COL9A3: variants seen among roughly 807,000 people sequenced by gnomAD.
COL9A3 encodes collagen alpha-3(IX) chain.
Under a neutral mutation model 110.2 loss-of-function variants are expected in COL9A3, and 82 were observed. The ratio of observed to expected loss-of-function variants is 0.74; its 90% confidence interval spans 0.62 to 0.89. The LOEUF is 0.89. Among genes scored for constraint, COL9A3 ranks in the 40% least tolerant of loss-of-function variants. The pLI is 0.00. For synonymous variants in COL9A3, 494 were observed against 403.8 expected (o/e 1.22, Z -2.68); for missense variants, 1,066 against 981.3 (o/e 1.09, Z -1.15).
intron 1 of COL9A3, 156 bp downstream of exon 1, chr20:62,817,298 C>T (rs1175800505): frequency 3.8e-6 from 2 of 530,922 alleles, no homozygotes; most frequent in African/African-American, 2.0e-5. Context: ...GAGCCCCGTC[C>T]GGCCGCGTCC....
intron 22 of COL9A3, 77 bp from the exon 23 acceptor site, chr20:62,830,283 G>A: frequency 1.3e-6 from 2 of 1,505,406 alleles, no homozygotes; most frequent in South Asian, 1.2e-5. Flanking sequence ...GGGGAAGGCT[G>A]AGCCAGGCTC....
At chr20:62,826,172 C>T (rs373771634) in intron 13 of COL9A3, 32 bp from the exon 14 acceptor site, 3 of 1,549,018 alleles carry the variant, frequency 1.9e-6, no homozygotes, top group Admixed American at 1.9e-5. Flanking sequence ...AGGTGCAGCC[C>T]CAGCCTCTGC....
intron 12 of COL9A3, 97 bp from the exon 13 acceptor site, chr20:62,825,720 C>A: frequency 7.9e-7 from 1 of 1,272,612 alleles, no homozygotes; most frequent in Non-Finnish European, 1.1e-6. Flanking sequence ...GGGGCAACAC[C>A]CCCAGCTGCT....
rs568828940 is a variant in COL9A3 at position 62,825,090 on chromosome 20, G to T, written c.630+69G>T. 88 of 769,898 alleles carry T rather than the reference G, an allele frequency of 1.1e-4. 6 individuals carry two copies. In the Middle Eastern group the frequency reaches 1.9e-3, roughly 17 times the overall value. The allele number at this position is 769,898 out of a possible 1,614,324, so 47.7% of individuals were successfully genotyped here. On this transcript the variant is annotated intron_variant, in intron 12 of 31. Coordinates refer to ENST00000649368, the MANE Select transcript of COL9A3 (RefSeq NM_001853.4). ...GGCTGGGCTCCGGCGGGAGGGAGGG[G>T]CTGGGCTCCGGCGGGAGGGAGGGGC...
At chr20:62,818,377 C>CG in intron 2 of COL9A3, 141 bp from the exon 3 acceptor site, 1 of 806,484 alleles carries the variant, frequency 1.2e-6, no homozygotes, top group South Asian at 1.3e-5. Flanking sequence ...AGGTAGGGAT[C>CG]GGGGGCTCAG....
In COL9A3 at chr20:62,825,016, G is replaced by A. The variant is rs1438914631; in HGVS notation, c.625G>A (p.Glu209Lys). 1.9e-6 allele frequency: 3 copies of A among 1,608,884 alleles called. No individual in the cohort carries two copies. Among genetic ancestry groups the A allele is most frequent in the Admixed American group, 1.7e-5 (1 of 59,734 alleles). Residue 209 changes from glutamate (E) to lysine (K), a missense_variant, in exon 12 of 32, where the codon GAG (glutamate) becomes AAG (lysine). Transcript: ENST00000649368. ...GCAGGGGGAAGTCGGCAAGGACGGC[G>A]AGAAGGTGAAGCTGCCGCACAGCAG... ...GEQGEVGKDGEKGDPGPPGPA... is the reference protein window; with the variant it reads ...GEQGEVGKDGKKGDPGPPGPA...
At chr20:62,838,043 G>A (rs1443675634) in intron 30 of COL9A3, among the ~76,000 whole-genome samples, 1 of 152,346 alleles carries the variant, frequency 6.6e-6, no homozygotes, top group East Asian at 1.9e-4. Flanking sequence ...GGTGAACCAT[G>A]GGTGGAAAAT....
intron 6 of COL9A3, 28 bp downstream of exon 6, chr20:62,821,244 T>C: frequency 1.9e-6 from 3 of 1,609,496 alleles, no homozygotes; most frequent in Non-Finnish European, 2.5e-6. Flanking sequence ...TCCTCTCCTC[T>C]CCATGGGAGT....
chr20:62,836,677 G>T, intron 29 of COL9A3, 145 bp downstream of exon 29: 1 of 871,112 alleles, frequency 1.1e-6, no homozygotes. Flanking sequence ...GCCCTTGGGG[G>T]TCCACGTCCG....
chr20:62,825,590 T>C, intron 12 of COL9A3: 3 of 612,898 alleles, frequency 4.9e-6, no homozygotes, highest in Non-Finnish European at 8.9e-6. Context: ...TGAAGGGCCT[T>C]GTGGGAACAG....
intron 25 of COL9A3, chr20:62,832,724 C>T (rs1052113976): frequency 2.8e-6 from 1 of 358,102 alleles, no homozygotes. Flanking sequence ...AGGCACAAGG[C>T]CTTTCCATAC....
intron 10 of COL9A3, among the ~76,000 whole-genome samples, 160 bp from the exon 11 acceptor site, chr20:62,824,285 G>T (rs1279377375): frequency 6.7e-6 from 1 of 148,602 alleles, no homozygotes; most frequent in Non-Finnish European, 1.5e-5. Context: ...CGTCACTGAT[G>T]CGGAGTGGCC....
intron 9 of COL9A3, 71 bp downstream of exon 9, chr20:62,822,235 C>T (rs2063518547): frequency 3.5e-6 from 3 of 864,648 alleles, no homozygotes; most frequent in African/African-American, 1.6e-5. Context: ...CCTCCCCATT[C>T]CCCCTCCCCA....
intron 21 of COL9A3, 31 bp downstream of exon 21, chr20:62,829,712 C>T (rs2147215818): frequency 6.2e-7 from 1 of 1,601,136 alleles, no homozygotes; most frequent in Non-Finnish European, 8.5e-7. Context: ...AGACCCCTCC[C>T]CATCCAGCCT....
rs555983196 is a variant in COL9A3, at chr20:62,818,714, G to A, written c.183+161G>A. 8.5e-5 allele frequency among the ~76,000 whole-genome samples: 13 copies of A among 152,356 alleles called. No individual in the cohort carries two copies. The South Asian group carries it at 1.2e-3, about 15-fold the overall frequency. On this transcript the variant is annotated intron_variant, in intron 3 of 31. Coordinates refer to ENST00000649368, the MANE Select transcript of COL9A3 (RefSeq NM_001853.4). ...GGAGCAGGCCTGGAGCCAGCGGGGC[G>A]GGAGGGGAGTGTGTGGGCTCAGCCT...
At chr20:62,831,091 C>G (rs2063593883) in intron 24 of COL9A3, 1 of 152,290 alleles carries the variant, frequency 6.6e-6, no homozygotes, top group African/African-American at 2.4e-5. Flanking sequence ...CTGCTCCCGC[C>G]TAGCGGGTGT....
chr20:62,832,374 A>C (rs1196519452), intron 25 of COL9A3, among the ~76,000 whole-genome samples, 185 bp downstream of exon 25: 1 of 152,234 alleles, frequency 6.6e-6, no homozygotes, highest in African/African-American at 2.4e-5. Flanking sequence ...CAGCGAAAGC[A>C]GCTCTGGGCA....
rs191992009 is a variant in COL9A3 at position 62,821,483 on chromosome 20, C to A, written c.346-24C>A. On this transcript the variant is annotated intron_variant, in intron 6 of 31. Transcript: ENST00000649368. Reference sequence around the variant, plus strand: ...CAGCCCTTCTTGTGCCTGGCAGGCTCTGACCCCATGTTTGGCTTTGCAGGG... The same window carrying A: ...CAGCCCTTCTTGTGCCTGGCAGGCTATGACCCCATGTTTGGCTTTGCAGGG... 30 of 1,612,952 alleles carry A rather than the reference C, an allele frequency of 1.9e-5. No homozygotes were observed. In the Admixed American group the frequency reaches 5.0e-4, roughly 27 times the overall value.
chr20:62,819,921 CTCCCCAGGGTCTGACTG>C lies in COL9A3; in HGVS notation c.256-7_265del, dbSNP rs1352032313. On this transcript the variant is annotated splice_acceptor_variant and splice_polypyrimidine_tract_variant and coding_sequence_variant and intron_variant, in exon 5 of 32. Coordinates refer to ENST00000649368, the MANE Select transcript of COL9A3 (RefSeq NM_001853.4). LOFTEE classifies it high-confidence loss of function. ...GGCCCCTCGAGCTCGCCCTCTGCCT[CTCCCCAGGGTCTGACTG>C]GACGAGATGGACCCCCTGGACCCAA... 6.2e-7 allele frequency: 1 copy of C among 1,612,780 alleles called. No homozygotes were observed. Among genetic ancestry groups the C allele is most frequent in the African/African-American group, 1.3e-5 (1 of 74,928 alleles).
Sources: gnomAD v4.1 joint callset for allele counts (sites outside exome capture counted in the v4.1 genomes callset) on GRCh38, gnomAD v4.1.1 for gene constraint, MANE v1.5 for transcripts, NCBI Gene and HGNC (gene_info 2026-07-23, HGNC 2026-07-21) for gene names.